The following TLK2 variants were observed in gnomAD, a reference collection of about 807,000 sequenced individuals.
The protein encoded by TLK2 is serine/threonine-protein kinase tousled-like 2.
A neutral mutation model predicts 117.3 loss-of-function variants in TLK2; 6 were observed. The ratio of observed to expected loss-of-function variants is 0.05; its 90% CI spans 0.03 to 0.10. The LOEUF is 0.10. TLK2 is among the 10% of genes least tolerant of loss of function. The pLI is 1.00. For synonymous variants in TLK2, 257 were observed against 316.7 expected, an observed-to-expected ratio of 0.81 and a Z score of 2.00; for missense variants, 299 against 901.2, an observed-to-expected ratio of 0.33 and a Z score of 8.56.
chr17:62,590,549 G>C (rs1191643698), intron 16 of TLK2, among the ~76,000 whole-genome samples: 1 of 152,226 alleles, frequency 6.6e-6, no homozygotes, highest in Non-Finnish European at 1.5e-5. Context: ...TGATGATTCT[G>C]TGACTCTGCA....
intron 16 of TLK2, among the ~76,000 whole-genome samples, chr17:62,594,618 C>T (rs987622151): frequency 3.3e-5 from 5 of 152,084 alleles, no homozygotes; most frequent in Non-Finnish European, 5.9e-5. Flanking sequence ...TAATACTAAA[C>T]GTTGAAATGT....
chr17:62,514,492 A>G (rs2075404216), intron 2 of TLK2, among the ~76,000 whole-genome samples: 2 of 151,764 alleles, frequency 1.3e-5, no homozygotes, highest in African/African-American at 2.4e-5. Context: ...AGTCATTCCT[A>G]CTTTGTAATT....
rs998624686 is a variant in TLK2 at position 62,587,112 on chromosome 17, GA to G, written c.1460+887del. ...ATCTGTACTTGGGATGTGGGGTAGA[GA>G]GGGGGGGCTTCTTTAAAATGAATTG... On this transcript the variant is annotated intron_variant, in intron 16 of 21. Coordinates refer to ENST00000346027, the MANE Select transcript of TLK2 (RefSeq NM_006852.6). Among the ~76,000 whole-genome samples, 16 of 152,224 alleles carry G rather than the reference GA, an allele frequency of 1.1e-4. No individual in the cohort carries two copies. In the East Asian group the frequency reaches 1.5e-3, roughly 15 times the overall value.
chr17:62,605,098 CG>C (rs1568012279), intron 19 of TLK2, among the ~76,000 whole-genome samples: 1 of 151,830 alleles, frequency 6.6e-6, no homozygotes, highest in African/African-American at 2.4e-5. Context: ...GAGGCTGAGG[CG>C]GGCGGATCAC....
intron 2 of TLK2, among the ~76,000 whole-genome samples, chr17:62,492,862 C>G (rs1349565912): frequency 2.0e-5 from 3 of 151,972 alleles, no homozygotes; most frequent in Non-Finnish European, 4.4e-5. Context: ...TTTTGGGAGG[C>G]CGAGGTGGGC....
At chr17:62,493,411 C>T (rs981401216) in intron 2 of TLK2, among the ~76,000 whole-genome samples, 3 of 152,156 alleles carry the variant, frequency 2.0e-5, no homozygotes, top group African/African-American at 7.2e-5. Flanking sequence ...TACCATTTGG[C>T]TATTGTGAAT....
rs1223623072 is a variant in TLK2, at chr17:62,574,611, G to GT, written c.1121+1246dup. ...CGGCTCACTGAAACCTGTCTTCTGG[G>GT]TTCAAGCGTTTCTCCTGCCTCAGCC... On this transcript the variant is annotated intron_variant, in intron 12 of 21. Coordinates refer to ENST00000346027, the MANE Select transcript of TLK2 (RefSeq NM_006852.6). 6.6e-5 allele frequency among the ~76,000 whole-genome samples: 10 copies of GT among 152,114 alleles called. No individual in the cohort carries two copies. In the East Asian group the frequency reaches 1.9e-3, roughly 29 times the overall value.
At chr17:62,531,266 G>A (rs2076720504) in intron 6 of TLK2, among the ~76,000 whole-genome samples, 1 of 131,040 alleles carries the variant, frequency 7.6e-6, no homozygotes, top group Non-Finnish European at 1.7e-5. Context: ...GACTTTTTTT[G>A]TATTTTTGTT....
chr17:62,487,921 C>T (rs1424794523), intron 2 of TLK2, among the ~76,000 whole-genome samples: 1 of 146,756 alleles, frequency 6.8e-6, no homozygotes, highest in Non-Finnish European at 1.5e-5. Flanking sequence ...GTGCGCCCGG[C>T]GGCAAGTATC....
At chr17:62,566,864 T>C (rs954148257) in intron 11 of TLK2, among the ~76,000 whole-genome samples, 3 of 152,232 alleles carry the variant, frequency 2.0e-5, no homozygotes, top group Non-Finnish European at 4.4e-5. Flanking sequence ...GGCTACTATT[T>C]AGATAGCAGT....
At chr17:62,592,918 T>G (rs2082184722) in intron 16 of TLK2, among the ~76,000 whole-genome samples, 1 of 152,156 alleles carries the variant, frequency 6.6e-6, no homozygotes, top group Admixed American at 6.5e-5. Flanking sequence ...ACAACCTAGA[T>G]CCCTGGTGTG....
rs1368958043 is a variant in TLK2 at position 62,608,148 on chromosome 17, G to A, written c.2079G>A (p.Lys693=). ...AGCCAGTAGTAACACCTGAAGCAAA[G>A]GTAAGTTTTGTTTGACCCATTGGCC... ...PPKPVVTPEA[K]AFIRRCLAYR... The change falls in exon 21 of 22, where the codon AAG becomes AAA. Residue 693 remains lysine (K), a splice_region_variant and synonymous_variant. Coordinates refer to ENST00000346027, the MANE Select transcript of TLK2 (RefSeq NM_006852.6). 6.2e-7 allele frequency: 1 copy of A among 1,610,988 alleles called. No individual in the cohort carries two copies. The highest frequency in any genetic ancestry group is 1.7e-5 in the Admixed American group (1 of 59,172).
intron 2 of TLK2, among the ~76,000 whole-genome samples, chr17:62,485,607 T>C (rs1442966354): frequency 2.6e-5 from 4 of 152,182 alleles, no homozygotes; most frequent in Non-Finnish European, 5.9e-5. Flanking sequence ...AGTCATTTAT[T>C]TTGGGCTTTG....
chr17:62,513,716 T>C (rs1567825986), intron 2 of TLK2, among the ~76,000 whole-genome samples: 1 of 152,050 alleles, frequency 6.6e-6, no homozygotes, highest in South Asian at 2.1e-4. Context: ...TGGGATGGAG[T>C]CTGGCTCTGT....
upstream of TLK2, among the ~76,000 whole-genome samples, chr17:62,476,488 C>T (rs1443302033): frequency 3.3e-5 from 5 of 151,760 alleles, no homozygotes; most frequent in Admixed American, 6.6e-5. Flanking sequence ...GAGGCTGAGG[C>T]GGGAGAATCG....
intron 16 of TLK2, among the ~76,000 whole-genome samples, chr17:62,596,377 G>A (rs879754937): frequency 4.6e-5 from 7 of 152,186 alleles, no homozygotes; most frequent in Non-Finnish European, 1.0e-4. Flanking sequence ...CCCAGCCAGA[G>A]CACCTATTAT....
chr17:62,549,418 A>G (rs7219438), intron 7 of TLK2, among the ~76,000 whole-genome samples: 149 of 8,554 alleles, frequency 0.017, 1 homozygote, highest in Non-Finnish European at 0.059. Context: ...AAAAAAAAAA[A>G]AAAAAAAAAA....
chr17:62,518,891 T>C (rs1379075983), intron 2 of TLK2, among the ~76,000 whole-genome samples: 1 of 152,148 alleles, frequency 6.6e-6, no homozygotes, highest in Non-Finnish European at 1.5e-5. Context: ...AACTGTTTTG[T>C]TTTGAGACAA....
rs528114258 is a variant in TLK2, at chr17:62,506,881, C to T, written c.82-13892C>T. ...TGCTTCTCTGTGTATTGGAATTGTA[C>T]TGTTTTCCCTTAGAATTTGTTTTTT... On this transcript the variant is annotated intron_variant, in intron 2 of 21. Transcript: ENST00000346027. 3.3e-5 allele frequency among the ~76,000 whole-genome samples: 5 copies of T among 152,186 alleles called. No homozygotes were observed. In the South Asian group the frequency reaches 8.3e-4, roughly 25 times the overall value.
Sources: gnomAD v4.1 joint callset for allele counts (sites outside exome capture counted in the v4.1 genomes callset) on GRCh38, gnomAD v4.1.1 for gene constraint, MANE v1.5 for transcripts, NCBI Gene and HGNC (gene_info 2026-07-23, HGNC 2026-07-21) for gene names.